The following ADAM12 variants were observed in gnomAD, a reference collection of about 807,000 sequenced individuals.
The protein encoded by ADAM12 is disintegrin and metalloproteinase domain-containing protein 12.
A neutral mutation model predicts 106.4 loss-of-function variants in ADAM12; 70 were observed. The ratio of observed to expected loss-of-function variants is 0.66; its 90% CI spans 0.54 to 0.80. ADAM12 has a LOEUF of 0.80. Ranked by LOEUF, ADAM12 falls within the 30% of genes least tolerant of loss-of-function variation. The pLI is 0.00. For missense variants in ADAM12, 1,010 were observed against 1,171.9 expected (o/e 0.86, Z 2.02); for synonymous variants, 420 against 433.5 (o/e 0.97, Z 0.39).
At chr10:126,264,046 T>C (rs1959052553) in intron 3 of ADAM12, among the ~76,000 whole-genome samples, 1 of 152,258 alleles carries the variant, frequency 6.6e-6, no homozygotes, top group African/African-American at 2.4e-5. Flanking sequence ...TGTCACTTCA[T>C]ATTTTTTCAT....
chr10:126,254,445 C>T (rs1341583609), intron 3 of ADAM12, among the ~76,000 whole-genome samples: 1 of 152,220 alleles, frequency 6.6e-6, no homozygotes, highest in Non-Finnish European at 1.5e-5. Context: ...TGGTCAGCTT[C>T]ACCCCAGCAA....
In ADAM12 at chr10:126,156,983, G is replaced by A. The variant is rs76203502; in HGVS notation, c.261-1678C>T. ...CTGCCTGCCCTTTCCTGTCTTCAGA[G>A]GAAGACACTCTCCACTCTTCACACC... On this transcript the variant is annotated intron_variant, in intron 3 of 22. Transcript: ENST00000448723. 9.3e-3 allele frequency among the ~76,000 whole-genome samples: 1,415 copies of A among 151,840 alleles called. 10 individuals are homozygous for A. Among genetic ancestry groups the A allele is most frequent in the Non-Finnish European group, 0.014 (955 of 68,002 alleles).
At chr10:126,223,115 T>A (rs574354897) in intron 3 of ADAM12, among the ~76,000 whole-genome samples, 1 of 152,332 alleles carries the variant, frequency 6.6e-6, no homozygotes, top group African/African-American at 2.4e-5. Context: ...TCCTATCAAT[T>A]TATAGCCTGT....
intron 3 of ADAM12, among the ~76,000 whole-genome samples, chr10:126,224,823 TG>T (rs1403156549): frequency 6.6e-6 from 1 of 152,236 alleles, no homozygotes; most frequent in Non-Finnish European, 1.5e-5. Context: ...GGAGGCACTC[TG>T]CAGCCCCAGC....
chr10:126,046,321 G>A (rs1954318296), intron 16 of ADAM12, among the ~76,000 whole-genome samples, 189 bp from the exon 17 acceptor site: 1 of 152,172 alleles, frequency 6.6e-6, no homozygotes, highest in African/African-American at 2.4e-5. Flanking sequence ...CTTATTGCCT[G>A]ACTCCTCCAA....
At chr10:126,175,550 G>C (rs1389829887) in intron 3 of ADAM12, among the ~76,000 whole-genome samples, 1 of 152,134 alleles carries the variant, frequency 6.6e-6, no homozygotes, top group South Asian at 2.1e-4. Context: ...GACTTGCTTT[G>C]GAAACTGCCT....
intron 2 of ADAM12, among the ~76,000 whole-genome samples, chr10:126,291,823 C>T (rs1460127782): frequency 6.6e-6 from 1 of 152,132 alleles, no homozygotes; most frequent in Non-Finnish European, 1.5e-5. Context: ...GGCTGTGTGG[C>T]CCCTTGGAGC....
chr10:126,079,000 G>A (rs1384688651), intron 11 of ADAM12, among the ~76,000 whole-genome samples: 2 of 152,130 alleles, frequency 1.3e-5, no homozygotes, highest in Non-Finnish European at 2.9e-5. Flanking sequence ...ACATATGCCT[G>A]GACCAGTGGT....
chr10:126,246,800 C>T (rs1207532314), intron 3 of ADAM12, among the ~76,000 whole-genome samples: 2 of 152,092 alleles, frequency 1.3e-5, no homozygotes, highest in East Asian at 3.9e-4. Flanking sequence ...AAGCTGGAAG[C>T]ATTCCCTTTG....
intron 4 of ADAM12, among the ~76,000 whole-genome samples, chr10:126,150,350 T>A (rs1038888491): frequency 2.0e-5 from 3 of 152,332 alleles, no homozygotes; most frequent in Admixed American, 2.0e-4. Context: ...AGATCTTTAC[T>A]TTAGGACTCC....
intron 21 of ADAM12, among the ~76,000 whole-genome samples, chr10:126,024,486 A>G (rs937271402): frequency 6.6e-6 from 1 of 152,238 alleles, no homozygotes; most frequent in Non-Finnish European, 1.5e-5. Context: ...TTTAAAAAAT[A>G]TACACTACAA....
intron 1 of ADAM12, among the ~76,000 whole-genome samples, chr10:126,384,468 G>C (rs1856592150): frequency 6.6e-6 from 1 of 152,120 alleles, no homozygotes; most frequent in Admixed American, 6.5e-5. Context: ...GGATGCAAGA[G>C]GAATTCTTAG....
At chr10:126,219,179 C>T (rs180687820) in intron 3 of ADAM12, among the ~76,000 whole-genome samples, 55 of 152,278 alleles carry the variant, frequency 3.6e-4, no homozygotes, top group Non-Finnish European at 6.3e-4. Flanking sequence ...ATAACAAAAA[C>T]AAAAATCCAT....
intron 5 of ADAM12, 161 bp downstream of exon 5, chr10:126,135,423 A>G: frequency 1.5e-6 from 1 of 658,650 alleles, no homozygotes; most frequent in South Asian, 1.9e-5. Flanking sequence ...TCTTGTAAGC[A>G]GTGGAGAGAG....
At chr10:126,197,520 C>T (rs1957619584) in intron 3 of ADAM12, among the ~76,000 whole-genome samples, 1 of 152,138 alleles carries the variant, frequency 6.6e-6, no homozygotes, top group South Asian at 2.1e-4. Context: ...GCAGAGGAAG[C>T]ACAACCAAGC....
chr10:126,023,721 A>C (rs1466931037), intron 21 of ADAM12, among the ~76,000 whole-genome samples: 2 of 152,186 alleles, frequency 1.3e-5, no homozygotes, highest in African/African-American at 4.8e-5. Flanking sequence ...GTCACCACAA[A>C]TTGTCCTTGA....
At chr10:126,051,230 G>C (rs1216888247) in intron 14 of ADAM12, among the ~76,000 whole-genome samples, 1 of 152,176 alleles carries the variant, frequency 6.6e-6, no homozygotes, top group Non-Finnish European at 1.5e-5. Context: ...ATTGATCAAA[G>C]CAGTTTGGAA....
chr10:126,086,680 A>AAAAAATATATATAT (rs1554966976), intron 11 of ADAM12, among the ~76,000 whole-genome samples: 11 of 24,236 alleles, frequency 4.5e-4, no homozygotes, highest in Non-Finnish European at 5.9e-4. Context: ...AAAAAAAAAA[A>AAAAAATATATATAT]ATATATATAT....
chr10:126,203,124 G>C (rs111349044), intron 3 of ADAM12, among the ~76,000 whole-genome samples: 31 of 152,230 alleles, frequency 2.0e-4, no homozygotes, highest in African/African-American at 7.5e-4. Context: ...CGATGGTCAG[G>C]TTTTTAATTC....
Sources: gnomAD v4.1 joint callset for allele counts (sites outside exome capture counted in the v4.1 genomes callset) on GRCh38, gnomAD v4.1.1 for gene constraint, MANE v1.5 for transcripts, NCBI Gene and HGNC (gene_info 2026-07-23, HGNC 2026-07-21) for gene names.